The following DRD3 variants were observed in gnomAD, a reference collection of about 807,000 sequenced individuals.
DRD3 encodes the protein dopamine receptor D3.
DRD3 carries 19 observed loss-of-function variants against 36.3 expected under a neutral mutation model. The ratio of observed to expected loss-of-function variants is 0.52; its 90% confidence interval spans 0.36 to 0.77. DRD3 has a LOEUF of 0.77. Ranked by LOEUF, DRD3 falls within the 30% of genes least tolerant of loss-of-function variation. DRD3 has a pLI of 0.00. For missense variants in DRD3, 465 were observed against 505.3 expected, an observed-to-expected ratio of 0.92 and a Z score of 0.77; for synonymous variants, 195 against 203.7, an observed-to-expected ratio of 0.96 and a Z score of 0.36.
At chr3:114,143,696 C>A (rs2077546991) in intron 4 of DRD3, among the ~76,000 whole-genome samples, 1 of 152,198 alleles carries the variant, frequency 6.6e-6, no homozygotes, top group Admixed American at 6.5e-5. Flanking sequence ...CTCCCCCAAC[C>A]TAGCTCCAGT....
chr3:114,142,332 G>A (rs763269075), intron 4 of DRD3, among the ~76,000 whole-genome samples: 13 of 152,150 alleles, frequency 8.5e-5, no homozygotes, highest in Non-Finnish European at 1.6e-4. Context: ...GGCCAGTGGG[G>A]TGGCACTGCC....
upstream of DRD3, among the ~76,000 whole-genome samples, chr3:114,180,762 C>T (rs1223259362): frequency 6.6e-6 from 1 of 152,098 alleles, no homozygotes; most frequent in Non-Finnish European, 1.5e-5. Context: ...TGAACATGCC[C>T]TAAGACTAGA....
rs112086988 is a variant in DRD3, at chr3:114,147,702, G to A, written c.384-145C>T. 1.6e-4 allele frequency: 155 copies of A among 953,842 alleles called. 1 individual carries two copies. The African/African-American group carries it at 2.3e-3, about 14-fold the overall frequency. 59.1% of individuals were successfully genotyped at this position (953,842 alleles called of 1,614,324 possible). A position where few individuals can be genotyped will look rare whatever the true frequency, so the allele number is the denominator to read the frequency against. On this transcript the variant is annotated intron_variant, in intron 3 of 6. Coordinates refer to ENST00000383673, the MANE Select transcript of DRD3 (RefSeq NM_000796.6). Reference sequence around the variant, plus strand: ...TGCAGTGGCATGATTACTGTTCACTGCAGTTCAACTCCTGGGATCAGATCC... The same window carrying A: ...TGCAGTGGCATGATTACTGTTCACTACAGTTCAACTCCTGGGATCAGATCC...
At chr3:114,167,401 G>T (rs560279406) in intron 2 of DRD3, among the ~76,000 whole-genome samples, 1 of 152,206 alleles carries the variant, frequency 6.6e-6, no homozygotes, top group Non-Finnish European at 1.5e-5. Flanking sequence ...AAAATCTTGA[G>T]AGGAAATCTG....
chr3:114,133,064 C>G (rs990778428), intron 5 of DRD3, among the ~76,000 whole-genome samples: 4 of 149,930 alleles, frequency 2.7e-5, no homozygotes, highest in African/African-American at 9.8e-5. Flanking sequence ...GATCTCGGTT[C>G]ACTGCAACCT....
chr3:114,175,250 G>A (rs749905080), intron 1 of DRD3, among the ~76,000 whole-genome samples: 1 of 152,144 alleles, frequency 6.6e-6, no homozygotes, highest in African/African-American at 2.4e-5. Flanking sequence ...CTGGCACATA[G>A]CACTAGAAAT....
intron 2 of DRD3, 86 bp from the exon 3 acceptor site, chr3:114,159,953 T>G (rs2077717981): frequency 1.7e-6 from 2 of 1,158,788 alleles, no homozygotes; most frequent in South Asian, 2.6e-5. Flanking sequence ...CTTTGCTGCC[T>G]AGTGTAGATG....
chr3:114,140,253 G>T (rs1370328042), intron 4 of DRD3, among the ~76,000 whole-genome samples: 1 of 152,230 alleles, frequency 6.6e-6, no homozygotes, highest in Admixed American at 6.5e-5. Flanking sequence ...ACAAGACAGA[G>T]ATTTGATTTT....
At chr3:114,182,993 CT>C (rs2077956424), upstream of DRD3, among the ~76,000 whole-genome samples, 1 of 152,104 alleles carries the variant, frequency 6.6e-6, no homozygotes, top group Non-Finnish European at 1.5e-5. Context: ...GTTTTCAGCT[CT>C]TTTAGATATA....
intron 1 of DRD3, among the ~76,000 whole-genome samples, chr3:114,176,944 G>A (rs1293591998): frequency 6.6e-6 from 1 of 152,174 alleles, no homozygotes; most frequent in African/African-American, 2.4e-5. Context: ...AAAAAGGTGA[G>A]TCACAGAGAG....
intron 1 of DRD3, among the ~76,000 whole-genome samples, chr3:114,184,405 G>T (rs912562773): frequency 6.6e-6 from 1 of 152,110 alleles, no homozygotes; most frequent in Non-Finnish European, 1.5e-5. Flanking sequence ...TTACAATAAT[G>T]TTAGCTTTTA....
At chr3:114,177,547 T>C (rs1321462321) in intron 1 of DRD3, among the ~76,000 whole-genome samples, 1 of 152,168 alleles carries the variant, frequency 6.6e-6, no homozygotes, top group Non-Finnish European at 1.5e-5. Flanking sequence ...AAATATTAAT[T>C]GATGACAAAC....
rs1188560412 is a variant in DRD3, at chr3:114,131,268, G to C, written c.856C>G (p.Leu286Val). ...LKREEKTRNS[L>V]SPTIAPKLSL... Reference sequence around the variant, plus strand: ...AGCTTGGGCGCTATGGTGGGACTCAGGGAATTCCGAGTCTTCTCCTCTCTT... The same window carrying C: ...AGCTTGGGCGCTATGGTGGGACTCACGGAATTCCGAGTCTTCTCCTCTCTT... The change falls in exon 6 of 7, where the codon CTG (leucine) becomes GTG (valine). Residue 286 changes from leucine (L) to valine (V), a missense_variant. Leu to Val is a conservative substitution (Grantham distance 32, BLOSUM62 1). Transcript: ENST00000383673. 1 of 1,614,206 alleles carries C rather than the reference G, an allele frequency of 6.2e-7. No homozygotes were observed. Among genetic ancestry groups the C allele is most frequent in the Admixed American group, 1.7e-5 (1 of 60,028 alleles).
chr3:114,181,834 G>A (rs1407970893), upstream of DRD3, among the ~76,000 whole-genome samples: 1 of 152,200 alleles, frequency 6.6e-6, no homozygotes, highest in Non-Finnish European at 1.5e-5. Flanking sequence ...TGCTGTTCCA[G>A]GGAATGATAC....
At chr3:114,156,777 T>TTC (rs1559991108) in intron 3 of DRD3, among the ~76,000 whole-genome samples, 7 of 124,278 alleles carry the variant, frequency 5.6e-5, no homozygotes, top group Non-Finnish European at 8.8e-5. Flanking sequence ...CTTTCTTTCT[T>TTC]TCTTTCTTTC....
chr3:114,136,574 C>T (rs1346346129), intron 5 of DRD3, among the ~76,000 whole-genome samples: 1 of 152,176 alleles, frequency 6.6e-6, no homozygotes, highest in African/African-American at 2.4e-5. Context: ...GACCTTGGAT[C>T]AGCCATAGGC....
chr3:114,131,370 G>T lies in DRD3; in HGVS notation c.754C>A (p.Leu252Met). 6.2e-7 allele frequency: 1 copy of T among 1,614,132 alleles called. No individual in the cohort carries two copies. Residue 252 changes from leucine to methionine, a missense_variant, in exon 6 of 7, where the codon CTG becomes ATG. Physicochemically the swap from Leu to Met is conservative, Grantham distance 15 (BLOSUM62 2). Coordinates refer to ENST00000383673, the MANE Select transcript of DRD3 (RefSeq NM_000796.6). ...TLSPDPAHLELKRYYSICQDT... is the reference protein window; with the variant it reads ...TLSPDPAHLEMKRYYSICQDT... ...TGGCAGATGCTGTAGTAACGCTTCA[G>T]CTCCAGATGTGCCGGGTCAGGAGAG...
At chr3:114,152,965 C>G (rs1288752274) in intron 3 of DRD3, among the ~76,000 whole-genome samples, 1 of 152,244 alleles carries the variant, frequency 6.6e-6, no homozygotes, top group Admixed American at 6.5e-5. Flanking sequence ...CTGTGCGCGC[C>G]GCCCCTGCAG....
chr3:114,149,587 A>G (rs993351857), intron 3 of DRD3, among the ~76,000 whole-genome samples: 1 of 152,190 alleles, frequency 6.6e-6, no homozygotes, highest in African/African-American at 2.4e-5. Context: ...CTATAATGCA[A>G]TATCACTCCT....
Sources: gnomAD v4.1 joint callset for allele counts (sites outside exome capture counted in the v4.1 genomes callset) on GRCh38, gnomAD v4.1.1 for gene constraint, MANE v1.5 for transcripts, NCBI Gene and HGNC (gene_info 2026-07-23, HGNC 2026-07-21) for gene names.